Variants in MSRA observed in about 807,000 individuals in gnomAD.
MSRA encodes methionine sulfoxide reductase A.
MSRA carries 54 observed loss-of-function variants against 31.3 expected under a neutral mutation model. The ratio of observed to expected loss-of-function variants is 1.73; its 90% confidence interval spans 1.39 to 2.17. The LOEUF (loss-of-function observed/expected upper bound fraction) is 2.17, where lower values mean the gene tolerates loss of function less well. Ranked by LOEUF, MSRA falls within the 30% of genes most tolerant of loss-of-function variation. The probability of loss-of-function intolerance (pLI) is 0.00; values close to 1 mark genes in which losing one functional copy is unlikely to be tolerated. For missense variants in MSRA, 507 were observed against 300.9 expected (o/e 1.69, Z -5.07); for synonymous variants, 169 against 116.5 (o/e 1.45, Z -2.90).
At chr8:10,209,921 A>G (rs1809325270) in intron 2 of MSRA, among the ~76,000 whole-genome samples, 1 of 152,246 alleles carries the variant, frequency 6.6e-6, no homozygotes, top group South Asian at 2.1e-4. Flanking sequence ...ACATCTAAGA[A>G]TTCTTACTTT....
At chr8:10,198,246 A>C (rs1357587452) in intron 1 of MSRA, among the ~76,000 whole-genome samples, 1 of 152,192 alleles carries the variant, frequency 6.6e-6, no homozygotes, top group Admixed American at 6.5e-5. Context: ...CCACGACTAC[A>C]GCATCACCAT....
At chr8:10,143,591 C>T (rs1802889362) in intron 1 of MSRA, among the ~76,000 whole-genome samples, 2 of 152,148 alleles carry the variant, frequency 1.3e-5, no homozygotes, top group Admixed American at 6.5e-5. Context: ...CGGGTCGCTC[C>T]CTGTCATTTT....
intron 1 of MSRA, among the ~76,000 whole-genome samples, chr8:10,106,591 G>C (rs1799898779): frequency 6.6e-6 from 1 of 152,206 alleles, no homozygotes; most frequent in Non-Finnish European, 1.5e-5. Flanking sequence ...TTTCAGGTGA[G>C]GAAATAGAGG....
Position 10,099,473 on chromosome 8 carries a change from C to A in MSRA, c.142+44815C>A, listed in dbSNP as rs1799395208. ...TGAATGTAGGTACCTTTTCAGGTTA[C>A]CAAATACCTTCGCCTGTTATTCCAT... is the stretch of plus-strand genomic sequence containing the variant. On this transcript the variant is annotated intron_variant, in intron 1 of 5. Coordinates refer to ENST00000317173, the MANE Select transcript of MSRA (RefSeq NM_012331.5). Among the ~76,000 whole-genome samples, 5 of 152,286 alleles carry A rather than the reference C, an allele frequency of 3.3e-5. No homozygotes were observed. The South Asian group carries it at 6.2e-4, about 19-fold the overall frequency.
At chr8:10,359,570 C>T (rs573021752) in intron 5 of MSRA, among the ~76,000 whole-genome samples, 2 of 152,286 alleles carry the variant, frequency 1.3e-5, no homozygotes, top group South Asian at 2.1e-4. Flanking sequence ...CCTCCTTCTC[C>T]TCCTCTTCGT....
At chr8:10,390,519 A>G (rs1806676024) in intron 5 of MSRA, among the ~76,000 whole-genome samples, 1 of 152,288 alleles carries the variant, frequency 6.6e-6, no homozygotes, top group East Asian at 1.9e-4. Flanking sequence ...TCCTGTGCAC[A>G]TTTATGACAG....
rs774034241 is a variant in MSRA, at chr8:10,339,531, C to CTTTTTTT, written c.543+19562_543+19568dup. ...GTTAAGCAAGGGGTTTTCTTTCTTT[C>CTTTTTTT]TTTTTTTTTTTTTTTTTTTTTTTTT... On this transcript the variant is annotated intron_variant, in intron 5 of 5. Coordinates refer to ENST00000317173, the MANE Select transcript of MSRA (RefSeq NM_012331.5). Among the ~76,000 whole-genome samples the CTTTTTTT allele has an allele frequency of 8.9e-4, 65 of 72,818 alleles. 3 individuals are homozygous for CTTTTTTT. Among genetic ancestry groups the CTTTTTTT allele is most frequent in the African/African-American group, 3.6e-3 (58 of 15,898 alleles). 47.8% of individuals were successfully genotyped at this position (72,818 alleles called of 152,430 possible). A position where few individuals can be genotyped will look rare whatever the true frequency, so the allele number is the denominator to read the frequency against.
intron 5 of MSRA, among the ~76,000 whole-genome samples, chr8:10,363,144 G>C (rs1384065681): frequency 6.6e-6 from 1 of 152,206 alleles, no homozygotes; most frequent in Non-Finnish European, 1.5e-5. Context: ...TTTCTCCGTA[G>C]GTTCCTTTGT....
chr8:10,145,165 C>T (rs1434514018), intron 1 of MSRA, among the ~76,000 whole-genome samples: 1 of 152,168 alleles, frequency 6.6e-6, no homozygotes, highest in Non-Finnish European at 1.5e-5. Flanking sequence ...AGTCAAACTC[C>T]AGGGACAGGC....
chr8:10,325,531 A>G (rs961280653), intron 5 of MSRA, among the ~76,000 whole-genome samples: 1 of 152,188 alleles, frequency 6.6e-6, no homozygotes, highest in African/African-American at 2.4e-5. Flanking sequence ...ATAAAGTTAA[A>G]TGCATTCATG....
chr8:10,388,580 C>G (rs146367622), intron 5 of MSRA, among the ~76,000 whole-genome samples: 103 of 152,304 alleles, frequency 6.8e-4, no homozygotes, highest in African/African-American at 2.3e-3. Flanking sequence ...TCTCACTTTT[C>G]TGATGCTAAA....
intron 3 of MSRA, among the ~76,000 whole-genome samples, chr8:10,245,834 C>A (rs1797595753): frequency 6.6e-6 from 1 of 152,234 alleles, no homozygotes; most frequent in South Asian, 2.1e-4. Context: ...GTCATATGCG[C>A]TAGCTAGACC....
chr8:10,204,689 T>G (rs920079011), intron 1 of MSRA, among the ~76,000 whole-genome samples: 1 of 152,232 alleles, frequency 6.6e-6, no homozygotes, highest in African/African-American at 2.4e-5. Context: ...CCTGAATATA[T>G]CCCTGTTGTT....
chr8:10,127,819 C>T (rs1241570122), intron 1 of MSRA, among the ~76,000 whole-genome samples: 3 of 152,140 alleles, frequency 2.0e-5, no homozygotes, highest in Admixed American at 6.5e-5. Flanking sequence ...ATGAAAACCT[C>T]ATCCTTTTAT....
At chr8:10,242,690 G>C (rs988152404) in intron 2 of MSRA, among the ~76,000 whole-genome samples, 4 of 152,044 alleles carry the variant, frequency 2.6e-5, no homozygotes, top group African/African-American at 7.3e-5. Flanking sequence ...GAGTAATTTT[G>C]CTATAAATAA....
chr8:10,386,740 C>T (rs1247161668), intron 5 of MSRA, among the ~76,000 whole-genome samples: 2 of 152,040 alleles, frequency 1.3e-5, no homozygotes, highest in Non-Finnish European at 2.9e-5. Context: ...TTAGCCTGCA[C>T]AGGTGATGGG....
At chr8:10,135,386 C>T (rs1254804752) in intron 1 of MSRA, among the ~76,000 whole-genome samples, 3 of 152,278 alleles carry the variant, frequency 2.0e-5, no homozygotes, top group African/African-American at 7.2e-5. Flanking sequence ...TTCCATTCTA[C>T]CTAAAATGCT....
chr8:10,232,196 T>C (rs1167611343), intron 2 of MSRA, among the ~76,000 whole-genome samples: 2 of 152,094 alleles, frequency 1.3e-5, no homozygotes, highest in African/African-American at 2.4e-5. Flanking sequence ...GAGGGAGCAT[T>C]TGGATAAGAC....
At position 10,130,861 on chromosome 8, in the gene MSRA, A is replaced by C. The variant is rs374216726; in HGVS notation, c.142+76203A>C. ...TTTGAGGGCACACAGAAAGCTAATG[A>C]CACCTCCGAGGAATAGCCTTCTCAG... On this transcript the variant is annotated intron_variant, in intron 1 of 5. Transcript: ENST00000317173. 3.3e-5 allele frequency among the ~76,000 whole-genome samples: 5 copies of C among 152,296 alleles called. No homozygotes were observed. In the East Asian group the frequency reaches 7.7e-4, roughly 23 times the overall value.
Sources: allele counts gnomAD v4.1 joint callset (sites outside exome capture counted in the v4.1 genomes callset), GRCh38; gene constraint gnomAD v4.1.1; transcripts MANE v1.5; gene names NCBI Gene and HGNC (gene_info 2026-07-23, HGNC 2026-07-21).